The following CNTNAP2 variants were observed in gnomAD, a reference collection of about 807,000 sequenced individuals.
CNTNAP2 encodes the protein contactin associated protein 2.
A neutral mutation model predicts 155.2 loss-of-function variants in CNTNAP2; 98 were observed. The observed-to-expected ratio is 0.63, with a 90% CI of 0.54 to 0.75. The LOEUF is 0.75. CNTNAP2 is among the 30% of genes least tolerant of loss of function. The probability of loss-of-function intolerance (pLI) is 0.00; values close to 1 mark genes in which losing one functional copy is unlikely to be tolerated. For synonymous variants in CNTNAP2, 651 were observed against 631.2 expected (o/e 1.03, Z -0.47); for missense variants, 1,727 against 1,688.1 (o/e 1.02, Z -0.40).
intron 21 of CNTNAP2, among the ~76,000 whole-genome samples, chr7:148,366,763 A>G (rs1026465658): frequency 1.3e-5 from 2 of 152,184 alleles, no homozygotes; most frequent in Non-Finnish European, 2.9e-5. Flanking sequence ...CAGAAAGGCA[A>G]CCATGCTGTA....
intron 13 of CNTNAP2, among the ~76,000 whole-genome samples, chr7:147,793,279 T>C (rs1797847638): frequency 6.6e-6 from 1 of 152,072 alleles, no homozygotes. Context: ...CATGAAGACT[T>C]ACTACACCTA....
At chr7:146,500,408 T>C (rs568573944) in intron 1 of CNTNAP2, among the ~76,000 whole-genome samples, 53 of 152,262 alleles carry the variant, frequency 3.5e-4, no homozygotes, top group Non-Finnish European at 5.9e-4. Context: ...GGAAGAAATG[T>C]AACTATATAT....
chr7:148,412,576 C>CTGTT (rs1464556316), intron 23 of CNTNAP2, among the ~76,000 whole-genome samples: 1 of 152,206 alleles, frequency 6.6e-6, no homozygotes, highest in African/African-American at 2.4e-5. Flanking sequence ...GCTAAATTTG[C>CTGTT]TGTTAGTTCT....
intron 1 of CNTNAP2, among the ~76,000 whole-genome samples, chr7:146,296,151 G>C (rs1800511234): frequency 6.6e-6 from 1 of 152,084 alleles, no homozygotes; most frequent in Admixed American, 6.6e-5. Flanking sequence ...GGCTTTTTAG[G>C]AATTGCTTAA....
chr7:147,585,505 AATAT>A (rs1584832444), intron 12 of CNTNAP2, among the ~76,000 whole-genome samples: 1 of 150,016 alleles, frequency 6.7e-6, no homozygotes, highest in Non-Finnish European at 1.5e-5. Flanking sequence ...TAGATCTATT[AATAT>A]ATAGATAGAT....
At chr7:147,827,880 T>C (rs1392087391) in intron 13 of CNTNAP2, among the ~76,000 whole-genome samples, 3 of 152,202 alleles carry the variant, frequency 2.0e-5, no homozygotes, top group Admixed American at 6.5e-5. Flanking sequence ...CATATTTCTA[T>C]TATTTCTATA....
In CNTNAP2 at chr7:146,475,474, G is replaced by A. The variant is rs118098949; in HGVS notation, c.98-298797G>A. 7.7e-3 allele frequency among the ~76,000 whole-genome samples: 1,166 copies of A among 152,278 alleles called. 9 individuals carry two copies. Among genetic ancestry groups the A allele is most frequent in the Non-Finnish European group, 0.013 (857 of 68,006 alleles). On this transcript the variant is annotated intron_variant, in intron 1 of 23. Coordinates refer to ENST00000361727, the MANE Select transcript of CNTNAP2 (RefSeq NM_014141.6). ...AAATAGGCAGAAAAAAATATAGAGT[G>A]CAGAGGCCTTTAGGATCAGTCTGTG...
At chr7:146,906,042 G>A (rs4295575) in intron 3 of CNTNAP2, among the ~76,000 whole-genome samples, 5,711 of 152,240 alleles carry the variant, frequency 0.038, 148 homozygotes, top group Non-Finnish European at 0.05. Flanking sequence ...AAGGGGTGAC[G>A]GACGCACCTG....
intron 21 of CNTNAP2, among the ~76,000 whole-genome samples, chr7:148,297,276 G>A (rs1013323442): frequency 3.3e-5 from 5 of 152,122 alleles, no homozygotes; most frequent in African/African-American, 7.2e-5. Flanking sequence ...CTCCTAGCAC[G>A]GGCAGTGTGG....
intron 21 of CNTNAP2, among the ~76,000 whole-genome samples, chr7:148,309,133 A>G (rs552967731): frequency 6.6e-6 from 1 of 152,296 alleles, no homozygotes; most frequent in East Asian, 1.9e-4. Flanking sequence ...CTGGTTCTAG[A>G]TTCTTGAGGA....
chr7:146,142,325 G>A (rs915510270), intron 1 of CNTNAP2, among the ~76,000 whole-genome samples: 7 of 152,098 alleles, frequency 4.6e-5, no homozygotes, highest in Non-Finnish European at 7.4e-5. Flanking sequence ...TCACAACTTC[G>A]TGGACAGCAT....
intron 8 of CNTNAP2, among the ~76,000 whole-genome samples, chr7:147,196,809 G>A (rs1306733812): frequency 6.6e-6 from 1 of 152,166 alleles, no homozygotes; most frequent in Admixed American, 6.5e-5. Flanking sequence ...ATACAGCTAA[G>A]AGTGTGCAGG....
At chr7:147,222,701 T>C (rs370921709) in intron 8 of CNTNAP2, among the ~76,000 whole-genome samples, 2 of 151,934 alleles carry the variant, frequency 1.3e-5, no homozygotes, top group South Asian at 2.1e-4. Flanking sequence ...TTTAGTAATG[T>C]GGTGGTAAGG....
chr7:146,159,924 C>G (rs1798190838), intron 1 of CNTNAP2, among the ~76,000 whole-genome samples: 1 of 152,160 alleles, frequency 6.6e-6, no homozygotes, highest in Non-Finnish European at 1.5e-5. Context: ...CACCCCAGAT[C>G]AAAAGAATAC....
chr7:146,223,414 G>A (rs557440964), intron 1 of CNTNAP2, among the ~76,000 whole-genome samples: 1 of 152,290 alleles, frequency 6.6e-6, no homozygotes, highest in African/African-American at 2.4e-5. Flanking sequence ...AGCAGAAAGA[G>A]GTCAGTGAAG....
chr7:146,995,164 G>A (rs1225664382), intron 3 of CNTNAP2, among the ~76,000 whole-genome samples: 6 of 152,066 alleles, frequency 3.9e-5, no homozygotes, highest in Middle Eastern at 3.4e-3. Flanking sequence ...TAAATGACAC[G>A]ATTTCCTTCA....
chr7:146,449,838 T>C (rs774472940), intron 1 of CNTNAP2, among the ~76,000 whole-genome samples: 1 of 152,162 alleles, frequency 6.6e-6, no homozygotes, highest in African/African-American at 2.4e-5. Flanking sequence ...TCAGTGATGA[T>C]TGAGAGACGG....
At chr7:147,517,355 C>T (rs1799146164) in intron 11 of CNTNAP2, among the ~76,000 whole-genome samples, 1 of 152,266 alleles carries the variant, frequency 6.6e-6, no homozygotes, top group Non-Finnish European at 1.5e-5. Flanking sequence ...ATCTTCAATA[C>T]AGCAGGCAGG....
At chr7:147,861,630 A>G (rs1213008307) in intron 13 of CNTNAP2, among the ~76,000 whole-genome samples, 1 of 152,176 alleles carries the variant, frequency 6.6e-6, no homozygotes, top group East Asian at 1.9e-4. Context: ...TAATGCAATG[A>G]AAGGAAGATT....
Sources: allele counts gnomAD v4.1 joint callset (sites outside exome capture counted in the v4.1 genomes callset), GRCh38; gene constraint gnomAD v4.1.1; transcripts MANE v1.5; gene names NCBI Gene and HGNC (gene_info 2026-07-23, HGNC 2026-07-21).